SPTBN1: variants seen among roughly 807,000 people sequenced by gnomAD.
SPTBN1 encodes the protein spectrin beta, non-erythrocytic 1.
Under a neutral mutation model 266.4 loss-of-function variants are expected in SPTBN1, and 32 were observed. That is an observed-to-expected ratio of 0.12 (90% confidence interval 0.09 to 0.16). SPTBN1 has a LOEUF of 0.16. Among genes scored for constraint, SPTBN1 ranks in the 10% least tolerant of loss-of-function variants. The probability of loss-of-function intolerance (pLI) is 1.00; values close to 1 mark genes in which losing one functional copy is unlikely to be tolerated. For missense variants in SPTBN1, 2,296 were observed against 3,067.1 expected (o/e 0.75, Z 5.94); for synonymous variants, 1,336 against 1,162.2 (o/e 1.15, Z -3.04).
chr2:54,525,705 A>C (rs1670765972), intron 1 of SPTBN1, among the ~76,000 whole-genome samples: 2 of 152,268 alleles, frequency 1.3e-5, no homozygotes, highest in Admixed American at 6.5e-5. Flanking sequence ...AGCCCCACGT[A>C]GGTGTTGATC....
At chr2:54,482,535 C>T (rs531266340) in intron 1 of SPTBN1, among the ~76,000 whole-genome samples, 35 of 152,260 alleles carry the variant, frequency 2.3e-4, no homozygotes, top group African/African-American at 7.2e-4. Context: ...GGCCTCCCCT[C>T]AAAATTATGT....
chr2:54,601,211 G>T (rs918686270), intron 3 of SPTBN1, among the ~76,000 whole-genome samples: 4 of 152,128 alleles, frequency 2.6e-5, no homozygotes, highest in African/African-American at 9.7e-5. Flanking sequence ...AAAGCCCCTA[G>T]TGCCTTCATT....
intron 2 of SPTBN1, among the ~76,000 whole-genome samples, chr2:54,589,767 G>A (rs552999174): frequency 1.3e-5 from 2 of 152,214 alleles, no homozygotes; most frequent in Non-Finnish European, 2.9e-5. Context: ...TATCAATACA[G>A]CCAGCTGCCT....
Position 54,600,714 on chromosome 2 carries a change from A to ATTTTT in SPTBN1, c.300+1483_300+1487dup, listed in dbSNP as rs374090607. Among the ~76,000 whole-genome samples, 432 of 126,918 alleles carry ATTTTT rather than the reference A, an allele frequency of 3.4e-3. 4 individuals carry two copies. The highest frequency in any genetic ancestry group is 0.012 in the African/African-American group (420 of 33,858). The allele number at this position is 126,918 out of a possible 152,430, so 83.3% of individuals were successfully genotyped here. Reference sequence around the variant, plus strand: ...TTTAACCTAGTATGTTTATTTATTGATTTTTTTTTTTTTTTTGTGGAGTGG... The same window carrying ATTTTT: ...TTTAACCTAGTATGTTTATTTATTGATTTTTTTTTTTTTTTTTTTTTGTGGAGTGG... On this transcript the variant is annotated intron_variant, in intron 3 of 35. Transcript: ENST00000356805.
intron 30 of SPTBN1, 58 bp from the exon 31 acceptor site, chr2:54,659,096 T>C: frequency 6.3e-7 from 1 of 1,594,836 alleles, no homozygotes; most frequent in Non-Finnish European, 8.6e-7. Context: ...CCTAGAACCT[T>C]TTTCTGAAAA....
At chr2:54,498,738 C>A (rs566469033) in intron 1 of SPTBN1, among the ~76,000 whole-genome samples, 60 of 152,052 alleles carry the variant, frequency 3.9e-4, no homozygotes, top group Non-Finnish European at 7.5e-4. Context: ...CTTAAACACC[C>A]CTTAAATATT....
chr2:54,522,160 C>G (rs936236270), intron 1 of SPTBN1, among the ~76,000 whole-genome samples: 4 of 152,026 alleles, frequency 2.6e-5, no homozygotes, highest in African/African-American at 9.7e-5. Flanking sequence ...CCTTGGCCTC[C>G]CAAAGTGCTG....
At chr2:54,662,102 T>A in intron 32 of SPTBN1, 1 of 985,430 alleles carries the variant, frequency 1.0e-6, no homozygotes, top group Non-Finnish European at 1.2e-6. Context: ...CTGATTTAAG[T>A]ATCTCGGGTG....
rs1026530027 is a variant in SPTBN1, at chr2:54,669,427, G to T, written c.*858G>T. The T allele has an allele frequency of 2.0e-5, 3 of 152,614 alleles. No homozygotes were observed. The highest frequency in any genetic ancestry group is 4.8e-5 in the African/African-American group (2 of 41,452). The allele number at this position is 152,614 out of a possible 1,614,324, so 9.5% of individuals were successfully genotyped here. A position where few individuals can be genotyped will look rare whatever the true frequency, so the allele number is the denominator to read the frequency against. On this transcript the variant is annotated 3_prime_UTR_variant, in exon 36 of 36. Coordinates refer to ENST00000356805, the MANE Select transcript of SPTBN1 (RefSeq NM_003128.3). ...ACTTGCTCGTGCGTTGCCACACTGT[G>T]TTATAATTTGCTTCATTTCCTTGCT...
At chr2:54,652,730 C>T (rs1411154081) in intron 26 of SPTBN1, 1 of 152,204 alleles carries the variant, frequency 6.6e-6, no homozygotes, top group African/African-American at 2.4e-5. Flanking sequence ...ACAAATATAT[C>T]ATCACACTTG....
chr2:54,483,768 C>G (rs1668212288), intron 1 of SPTBN1, among the ~76,000 whole-genome samples: 1 of 152,180 alleles, frequency 6.6e-6, no homozygotes, highest in Non-Finnish European at 1.5e-5. Context: ...TGAGTCATTT[C>G]AAAGAGTTTC....
chr2:54,467,774 A>G (rs560179321), intron 1 of SPTBN1, among the ~76,000 whole-genome samples: 1 of 151,282 alleles, frequency 6.6e-6, no homozygotes, highest in Non-Finnish European at 1.5e-5. Context: ...TTTTTTTTTT[A>G]AATTTCTGCT....
At chr2:54,496,981 A>C (rs1003427870) in intron 1 of SPTBN1, among the ~76,000 whole-genome samples, 9 of 152,252 alleles carry the variant, frequency 5.9e-5, no homozygotes, top group African/African-American at 2.2e-4. Flanking sequence ...ATATTGTAGA[A>C]CACCATACAG....
At chr2:54,577,353 G>A (rs1674562222) in intron 2 of SPTBN1, among the ~76,000 whole-genome samples, 1 of 152,182 alleles carries the variant, frequency 6.6e-6, no homozygotes, top group South Asian at 2.1e-4. Flanking sequence ...CTGGGTAGAT[G>A]CCCACTGCCA....
At chr2:54,630,295 C>G (rs1262560666) in intron 15 of SPTBN1, among the ~76,000 whole-genome samples, 1 of 152,210 alleles carries the variant, frequency 6.6e-6, no homozygotes, top group African/African-American at 2.4e-5. Flanking sequence ...TTGGTTTGAC[C>G]TGTGTCCAGT....
intron 1 of SPTBN1, among the ~76,000 whole-genome samples, chr2:54,501,262 T>TA (rs1363105694): frequency 6.6e-6 from 1 of 152,206 alleles, no homozygotes; most frequent in Non-Finnish European, 1.5e-5. Flanking sequence ...AGAGGCATGA[T>TA]AAACTGCCTC....
intron 28 of SPTBN1, 53 bp from the exon 29 acceptor site, chr2:54,655,861 G>A (rs1680617315): frequency 7.3e-7 from 1 of 1,369,532 alleles, no homozygotes; most frequent in Admixed American, 1.7e-5. Flanking sequence ...ACCCCATCAA[G>A]AGGATGTGGT....
rs1356305783 is a variant in SPTBN1, at chr2:54,645,475, A to G, written c.4494+22A>G. ...GATCGTGAGTCGACCCCTACTGCAC[A>G]CATGGCTTTTCCACGAGCCCCCTTG... On this transcript the variant is annotated intron_variant, in intron 21 of 35. Transcript: ENST00000356805. This position sits in a 1 kb window ranked among gnomAD's most constrained non-coding sequence, Gnocchi z 4.3. 3 of 1,610,012 alleles carry G rather than the reference A, an allele frequency of 1.9e-6. No individual in the cohort carries two copies. Among genetic ancestry groups the G allele is most frequent in the Admixed American group, 1.7e-5 (1 of 59,932 alleles).
chr2:54,541,414 C>T (rs1327600644), intron 2 of SPTBN1, among the ~76,000 whole-genome samples: 1 of 152,218 alleles, frequency 6.6e-6, no homozygotes, highest in East Asian at 1.9e-4. Flanking sequence ...TTGAGAAATA[C>T]AGGATGGAGA....
Sources: gnomAD v4.1 joint callset for allele counts (sites outside exome capture counted in the v4.1 genomes callset) on GRCh38, gnomAD v4.1.1 for gene constraint, Gnocchi (gnomAD v3.1) non-coding constraint, MANE v1.5 for transcripts, NCBI Gene and HGNC (gene_info 2026-07-23, HGNC 2026-07-21) for gene names.